Variants in RBM27 observed in about 807,000 individuals in gnomAD.
RBM27 encodes the protein RNA binding motif protein 27.
RBM27 carries 22 observed loss-of-function variants against 135.3 expected under a neutral mutation model. That is an observed-to-expected ratio of 0.16 (90% CI 0.12 to 0.23). The LOEUF (loss-of-function observed/expected upper bound fraction) is 0.23, where lower values mean the gene tolerates loss of function less well. Among genes scored for constraint, RBM27 ranks in the 10% least tolerant of loss-of-function variants. RBM27 has a pLI of 1.00. For synonymous variants in RBM27, 481 were observed against 442.4 expected, an observed-to-expected ratio of 1.09 and a Z score of -1.10; for missense variants, 1,009 against 1,281.0, an observed-to-expected ratio of 0.79 and a Z score of 3.24.
At chr5:146,267,165 G>A (rs549594502) in intron 14 of RBM27, among the ~76,000 whole-genome samples, 1 of 152,334 alleles carries the variant, frequency 6.6e-6, no homozygotes, top group East Asian at 1.9e-4. Context: ...TTTTGGCTAA[G>A]TTAGATGATT....
chr5:146,220,493 T>A (rs1312268234), intron 2 of RBM27, among the ~76,000 whole-genome samples: 1,642 of 142,050 alleles, frequency 0.012, 25 homozygotes, highest in African/African-American at 0.033. Flanking sequence ...AAAAAAAATA[T>A]ATATATATAT....
In RBM27 at chr5:146,203,678, G is replaced by A; in HGVS notation, c.-88G>A. 8.1e-7 allele frequency: 1 copy of A among 1,240,284 alleles called. No individual in the cohort carries two copies. The highest frequency in any genetic ancestry group is 2.6e-5 in the East Asian group (1 of 38,762). The allele number at this position is 1,240,284 out of a possible 1,614,324, so 76.8% of individuals were successfully genotyped here. On this transcript the variant is annotated 5_prime_UTR_variant, in exon 1 of 21. Transcript: ENST00000265271. ...TGCCCGGTGGGCTGGGGCACCGGGAGCTGTGAAGGGAACGTGAGGGGGCGG... is the reference window on the plus strand; with the variant it reads ...TGCCCGGTGGGCTGGGGCACCGGGAACTGTGAAGGGAACGTGAGGGGGCGG...
At chr5:146,246,332 T>C (rs552538731) in intron 8 of RBM27, among the ~76,000 whole-genome samples, 2 of 152,336 alleles carry the variant, frequency 1.3e-5, no homozygotes, top group South Asian at 4.1e-4. Context: ...TTATTCTGAC[T>C]AGAGTTAATA....
Position 146,219,052 on chromosome 5 carries a change from A to G in RBM27, c.127A>G (p.Lys43Glu). The change falls in exon 2 of 21, where the codon AAA (lysine) becomes GAA (glutamate). Residue 43 changes from lysine (K) to glutamate (E), a missense_variant. By Grantham distance (56) the Lys-to-Glu change is moderately conservative. Around this residue, in one of 6 missense-constraint regions of RBM27, gnomAD observed 268 missense variants for 326.6 expected, o/e 0.82. Transcript: ENST00000265271. The stretch of plus-strand genomic sequence containing the variant: ...ACTGGTCAAGAAGGACAAACCTGAG[A>G]AAGAATTAAAAGCCTTTTGTGCTGA... ...VALVKKDKPE[K>E]ELKAFCADQL... is the part of the protein sequence containing the mutation. 1 of 1,613,726 alleles carries G rather than the reference A, an allele frequency of 6.2e-7. No homozygotes were observed.
chr5:146,259,586 T>C (rs2126846057), intron 11 of RBM27, among the ~76,000 whole-genome samples: 1 of 152,130 alleles, frequency 6.6e-6, no homozygotes, highest in Non-Finnish European at 1.5e-5. Context: ...TGGTAGATCT[T>C]TATGGTAGAT....
At chr5:146,261,323 G>GATGC in intron 12 of RBM27, 187 bp from the exon 13 acceptor site, 1 of 619,764 alleles carries the variant, frequency 1.6e-6, no homozygotes, top group Non-Finnish European at 2.8e-6. Context: ...TATTCATTAG[G>GATGC]ATGCACCTTT....
chr5:146,253,607 G>A (rs971613785), intron 9 of RBM27, among the ~76,000 whole-genome samples: 3 of 152,042 alleles, frequency 2.0e-5, no homozygotes, highest in African/African-American at 7.2e-5. Context: ...ATGCCAACCA[G>A]CAGTTCTAGT....
At chr5:146,232,501 C>T (rs1054873926) in intron 6 of RBM27, among the ~76,000 whole-genome samples, 7 of 152,118 alleles carry the variant, frequency 4.6e-5, no homozygotes, top group African/African-American at 1.7e-4. Flanking sequence ...GCAGTATTTC[C>T]TGGCGTTCAT....
At position 146,288,855 on chromosome 5, in the gene RBM27, G is replaced by A. The variant is rs1292792122; in HGVS notation, c.*2825G>A. ...TAAATTGGAAAACAGTCTTGTTAAG[G>A]TGAAAGGGGTCCTTGGTGATGGATC... On this transcript the variant is annotated 3_prime_UTR_variant, in exon 21 of 21. Transcript: ENST00000265271. The A allele has an allele frequency of 6.6e-6, 1 of 151,976 alleles. No homozygotes were observed. Among genetic ancestry groups the A allele is most frequent in the Non-Finnish European group, 1.5e-5 (1 of 67,922 alleles). 9.4% of individuals were successfully genotyped at this position (151,976 alleles called of 1,614,324 possible). A position where few individuals can be genotyped will look rare whatever the true frequency, so the allele number is the denominator to read the frequency against.
At chr5:146,238,026 CT>C (rs1481097522) in intron 8 of RBM27, among the ~76,000 whole-genome samples, 2 of 151,994 alleles carry the variant, frequency 1.3e-5, no homozygotes, top group African/African-American at 4.8e-5. Context: ...TATTTTGAAG[CT>C]TTTTAAAAAA....
At chr5:146,240,220 C>A (rs1205826723) in intron 8 of RBM27, among the ~76,000 whole-genome samples, 1 of 151,700 alleles carries the variant, frequency 6.6e-6, no homozygotes, top group Admixed American at 6.6e-5. Flanking sequence ...TTCTTTCCTA[C>A]TAATATACTC....
At chr5:146,257,095 A>G (rs1305829025) in intron 10 of RBM27, among the ~76,000 whole-genome samples, 2 of 152,218 alleles carry the variant, frequency 1.3e-5, no homozygotes, top group Non-Finnish European at 2.9e-5. Context: ...AAGGTCTGCT[A>G]TAGTTGCTGA....
intron 12 of RBM27, 61 bp downstream of exon 12, chr5:146,260,959 A>G (rs1758371165): frequency 4.1e-6 from 6 of 1,478,602 alleles, no homozygotes; most frequent in Non-Finnish European, 4.6e-6. Flanking sequence ...GAATATTTCT[A>G]TCAGCTCACC....
At chr5:146,244,954 G>A (rs1407976553) in intron 8 of RBM27, among the ~76,000 whole-genome samples, 1 of 151,794 alleles carries the variant, frequency 6.6e-6, no homozygotes, top group Non-Finnish European at 1.5e-5. Context: ...GCTCGCTGCA[G>A]CCTTGAACCA....
At chr5:146,212,092 G>A (rs1307737710) in intron 1 of RBM27, among the ~76,000 whole-genome samples, 2 of 151,770 alleles carry the variant, frequency 1.3e-5, no homozygotes, top group Non-Finnish European at 2.9e-5. Context: ...GTCTTGCTCT[G>A]TCACCCAGGC....
intron 1 of RBM27, among the ~76,000 whole-genome samples, chr5:146,212,331 G>A (rs1047690508): frequency 2.0e-5 from 3 of 151,054 alleles, no homozygotes; most frequent in Admixed American, 6.6e-5. Flanking sequence ...TGGGATTACA[G>A]GCGTGAGCCA....
chr5:146,229,174 C>T, intron 4 of RBM27, 137 bp downstream of exon 4: 1 of 639,466 alleles, frequency 1.6e-6, no homozygotes, highest in Non-Finnish European at 2.7e-6. Context: ...TACCTTTCTT[C>T]CTTTCATTCT....
In RBM27 at chr5:146,233,581, C is replaced by T; in HGVS notation, c.982C>T (p.Pro328Ser). The T allele has an allele frequency of 1.9e-6, 3 of 1,612,814 alleles. No homozygotes were observed. The highest frequency in any genetic ancestry group is 1.7e-6 in the Non-Finnish European group (2 of 1,179,300). The change falls in exon 7 of 21, where the codon CCT becomes TCT. Residue 328 changes from proline to serine, a missense_variant. This residue lies in a region of RBM27 where 329 missense variants were observed against 368.1 expected (regional missense o/e 0.89). Transcript: ENST00000265271. ...PPPPGLPPPP[P>S]PGMLMPPMPG... is the part of the protein sequence containing the mutation. ...TCCTCCTGGGCTTCCTCCTCCACCA[C>T]CTCCTGGAATGTTAATGCCTCCAAT...
chr5:146,203,889 G>C, intron 1 of RBM27, 65 bp downstream of exon 1: 1 of 1,404,100 alleles, frequency 7.1e-7, no homozygotes, highest in Non-Finnish European at 9.7e-7. Context: ...GGGGCGTGGG[G>C]GAGGGGAGGT....
Sources: gnomAD v4.1 joint callset for allele counts (sites outside exome capture counted in the v4.1 genomes callset) on GRCh38, gnomAD v4.1.1 for gene constraint, gnomAD v4.1.1 regional missense constraint, MANE v1.5 for transcripts, NCBI Gene and HGNC (gene_info 2026-07-23, HGNC 2026-07-21) for gene names.